DAB2IP: variants seen among roughly 807,000 people sequenced by gnomAD.
DAB2IP encodes disabled homolog 2-interacting protein.
A neutral mutation model predicts 107.2 loss-of-function variants in DAB2IP; 28 were observed. That is an observed-to-expected ratio of 0.26 (90% CI 0.19 to 0.36). The LOEUF (loss-of-function observed/expected upper bound fraction) is 0.36, where lower values mean the gene tolerates loss of function less well. DAB2IP is among the 10% of genes least tolerant of loss of function. The pLI is 1.00. For missense variants in DAB2IP, 1,400 were observed against 1,644.7 expected (o/e 0.85, Z 2.57); for synonymous variants, 755 against 706.4 (o/e 1.07, Z -1.09).
chr9:121,764,297 G>T (rs932418344), intron 8 of DAB2IP, among the ~76,000 whole-genome samples: 3 of 152,158 alleles, frequency 2.0e-5, no homozygotes, highest in Non-Finnish European at 2.9e-5. Flanking sequence ...CACGTTGGGG[G>T]CCTGAGCACC....
intron 3 of DAB2IP, among the ~76,000 whole-genome samples, chr9:121,705,100 A>G (rs1015828113): frequency 1.3e-5 from 2 of 152,190 alleles, no homozygotes; most frequent in Non-Finnish European, 2.9e-5. Context: ...TCTCCTTTAG[A>G]TCTGGAGCTC....
chr9:121,711,897 C>G (rs1347666765), intron 3 of DAB2IP, among the ~76,000 whole-genome samples: 2 of 152,170 alleles, frequency 1.3e-5, no homozygotes, highest in Non-Finnish European at 2.9e-5. Context: ...ATGTACCTGG[C>G]AGCTTGGGCT....
intron 3 of DAB2IP, among the ~76,000 whole-genome samples, chr9:121,745,411 C>T (rs1832655697): frequency 1.3e-5 from 2 of 152,194 alleles, no homozygotes; most frequent in South Asian, 4.1e-4. Flanking sequence ...CTGAGAGCCA[C>T]TTTCCTGCTG....
chr9:121,767,435 G>A (rs1005283486), intron 9 of DAB2IP, among the ~76,000 whole-genome samples: 8 of 152,216 alleles, frequency 5.3e-5, no homozygotes, highest in African/African-American at 1.9e-4. Context: ...CTCTCAGCTT[G>A]TTGGGAGAGG....
Position 121,633,421 on chromosome 9 carries a change from C to T in DAB2IP, c.41-45257C>T, listed in dbSNP as rs1198597237. Among the ~76,000 whole-genome samples, 1 of 152,092 alleles carries T rather than the reference C, an allele frequency of 6.6e-6. No homozygotes were observed. The highest frequency in any genetic ancestry group is 2.1e-4 in the South Asian group (1 of 4,834). Reference sequence around the variant, plus strand: ...AACCACCTCTGCTGCAAACAGAGTGCCTGGTGAGGCCGTTCAGCGTCTGTG... The same window carrying T: ...AACCACCTCTGCTGCAAACAGAGTGTCTGGTGAGGCCGTTCAGCGTCTGTG... On this transcript the variant is annotated intron_variant, in intron 1 of 16. Transcript: ENST00000259371. The surrounding 1 kb of genome is among the most constrained non-coding windows in gnomAD (Gnocchi z 5.1).
chr9:121,638,287 G>A (rs1183618860), intron 1 of DAB2IP, among the ~76,000 whole-genome samples: 1 of 152,232 alleles, frequency 6.6e-6, no homozygotes, highest in African/African-American at 2.4e-5. Flanking sequence ...TTAGCTATAA[G>A]TATTCTAGAG....
intron 1 of DAB2IP, among the ~76,000 whole-genome samples, chr9:121,636,442 G>A (rs1159521153): frequency 6.6e-6 from 1 of 152,248 alleles, no homozygotes; most frequent in Non-Finnish European, 1.5e-5. Context: ...GAGCAGGAGG[G>A]AGGAGGGAAG....
chr9:121,725,585 A>G (rs1831197540), intron 3 of DAB2IP, among the ~76,000 whole-genome samples: 1 of 152,190 alleles, frequency 6.6e-6, no homozygotes, highest in South Asian at 2.1e-4. Flanking sequence ...GCTGTCTGAC[A>G]ATGCAGATGA....
chr9:121,773,072 C>T, exon 12 of DAB2IP: 1 of 1,612,590 alleles, frequency 6.2e-7, no homozygotes, highest in Non-Finnish European at 8.5e-7. Flanking sequence ...GCCTTGGCGA[C>T]TCAGGCTCTG....
At chr9:121,621,272 G>A (rs1388496640) in intron 1 of DAB2IP, among the ~76,000 whole-genome samples, 1 of 152,170 alleles carries the variant, frequency 6.6e-6, no homozygotes, top group Admixed American at 6.5e-5. Flanking sequence ...TCCCTCCCTT[G>A]CTCAAGGTAT....
chr9:121,581,634 G>T (rs1220858264), intron 1 of DAB2IP, among the ~76,000 whole-genome samples: 2 of 152,200 alleles, frequency 1.3e-5, no homozygotes, highest in South Asian at 2.1e-4. Context: ...GGTCCTGCTG[G>T]CTTCAAAGCC....
At chr9:121,780,250 CA>C (rs1835511752) in intron 14 of DAB2IP, among the ~76,000 whole-genome samples, 1 of 152,158 alleles carries the variant, frequency 6.6e-6, no homozygotes, top group African/African-American at 2.4e-5. Context: ...CTTAATAAAA[CA>C]AATACCCTCC....
chr9:121,595,429 C>CAACA (rs34195743), intron 1 of DAB2IP, among the ~76,000 whole-genome samples: 69,650 of 150,206 alleles, frequency 0.46, 18,513 homozygotes, highest in Non-Finnish European at 0.59. Flanking sequence ...CTTATCTCTA[C>CAACA]AACAAACAAA....
At chr9:121,680,061 T>C (rs1039532569) in intron 2 of DAB2IP, among the ~76,000 whole-genome samples, 11 of 152,182 alleles carry the variant, frequency 7.2e-5, no homozygotes, top group Admixed American at 5.2e-4. Flanking sequence ...TCCTAATACT[T>C]AGTGTCAGCA....
At chr9:121,600,900 C>T (rs1830667210) in intron 1 of DAB2IP, among the ~76,000 whole-genome samples, 1 of 152,140 alleles carries the variant, frequency 6.6e-6, no homozygotes, top group South Asian at 2.1e-4. Flanking sequence ...CTTAAGCAGC[C>T]GATCTATACC....
intron 1 of DAB2IP, among the ~76,000 whole-genome samples, chr9:121,636,399 C>T (rs913494153): frequency 2.0e-5 from 3 of 152,154 alleles, no homozygotes; most frequent in East Asian, 1.9e-4. Context: ...GTGGTTGCCA[C>T]GGAAACTATA....
chr9:121,688,954 G>A (rs1253881758), intron 2 of DAB2IP, among the ~76,000 whole-genome samples: 1 of 152,190 alleles, frequency 6.6e-6, no homozygotes, highest in East Asian at 1.9e-4. Context: ...GACAGGTCAA[G>A]ACAAGTGACC....
At position 121,772,787 on chromosome 9, in the gene DAB2IP, C is replaced by T. The variant is rs760694146; in HGVS notation, c.2259C>T (p.Asp753=). Reference sequence around the variant, plus strand: ...GCCTCTCCATGGTGGACCTCCAGGACGCCCGCACGCTGGATGGGGAGGCAG... The same window carrying T: ...GCCTCTCCATGGTGGACCTCCAGGATGCCCGCACGCTGGATGGGGAGGCAG... The change falls in exon 12 of 16, where the codon GAC becomes GAT. Residue 753 remains aspartate, a synonymous_variant. Coordinates refer to ENST00000408936, the Ensembl canonical transcript of DAB2IP. The surrounding 1 kb of genome is among the most constrained non-coding windows in gnomAD (Gnocchi z 4.7). 31 of 1,612,938 alleles carry T rather than the reference C, an allele frequency of 1.9e-5. No homozygotes were observed. The highest frequency in any genetic ancestry group is 1.6e-4 in the Middle Eastern group (1 of 6,084).
chr9:121,657,306 G>A (rs1385736338), intron 1 of DAB2IP, among the ~76,000 whole-genome samples: 4 of 152,214 alleles, frequency 2.6e-5, no homozygotes, highest in African/African-American at 9.6e-5. Context: ...CTAGGTCCTC[G>A]AAGGAGGCCA....
Sources: allele counts gnomAD v4.1 joint callset (sites outside exome capture counted in the v4.1 genomes callset), GRCh38; gene constraint gnomAD v4.1.1; non-coding constraint Gnocchi (gnomAD v3.1); transcripts MANE v1.5; gene names NCBI Gene and HGNC (gene_info 2026-07-23, HGNC 2026-07-21).